The following DRC5 variants were observed in gnomAD, a reference collection of about 807,000 sequenced individuals.
DRC5 encodes the protein T-complex-associated testis-expressed protein 1.
the DRC5 span, chr6:44,280,082 C>G: frequency 8.9e-7 from 1 of 1,119,164 alleles, no homozygotes; most frequent in Admixed American, 1.9e-5. Flanking sequence ...CACAGTCCCC[C>G]TCCCCGCTCC....
the DRC5 span, chr6:44,279,748 G>GGTGTGTGTGTGTGTGTGT: frequency 1.1e-3 from 148 of 135,374 alleles, 1 homozygote; most frequent in African/African-American, 2.3e-3. Flanking sequence ...GTAGCCAGAG[G>GGTGTGTGTGTGTGTGTGT]GTGTGTGTGT....
At chr6:44,285,278 CA>C in the DRC5 span, among the ~76,000 whole-genome samples, 1 of 152,204 alleles carries the variant, frequency 6.6e-6, no homozygotes, top group African/African-American at 2.4e-5. Context: ...CATCCCAATT[CA>C]GGGGTACCAG....
the DRC5 span, among the ~76,000 whole-genome samples, chr6:44,289,000 A>AAAAAAAAAG: frequency 1.2e-3 from 161 of 136,524 alleles, 6 homozygotes; most frequent in Non-Finnish European, 1.1e-3. Flanking sequence ...TCTCAAAAAA[A>AAAAAAAAAG]AAAAAAAAAA....
chr6:44,278,893 A>ACACACACACC, the DRC5 span: 11 of 149,578 alleles, frequency 7.4e-5, no homozygotes, highest in African/African-American at 2.5e-4. Flanking sequence ...ACACACACAC[A>ACACACACACC]CCCTCACACC....
chr6:44,291,602 C>T, the DRC5 span, among the ~76,000 whole-genome samples: 1 of 152,216 alleles, frequency 6.6e-6, no homozygotes, highest in East Asian at 1.9e-4. Flanking sequence ...AGACTTCTCT[C>T]CCTCTGCCCA....
chr6:44,291,375 T>C, the DRC5 span, among the ~76,000 whole-genome samples: 4 of 152,228 alleles, frequency 2.6e-5, no homozygotes, highest in Non-Finnish European at 1.5e-5. Flanking sequence ...ATCTACTTTT[T>C]AAACTAACAA....
the DRC5 span, among the ~76,000 whole-genome samples, chr6:44,293,306 C>CA: frequency 0.016 from 1,442 of 88,546 alleles, 18 homozygotes; most frequent in African/African-American, 0.03. Flanking sequence ...ACTATCCTCT[C>CA]AAAAAAAAAA....
At chr6:44,293,257 C>T in the DRC5 span, among the ~76,000 whole-genome samples, 1 of 145,598 alleles carries the variant, frequency 6.9e-6, no homozygotes, top group Non-Finnish European at 1.5e-5. Flanking sequence ...AACTGTCCAG[C>T]ACTTAACAGT....
At chr6:44,287,302 G>A in the DRC5 span, 2 of 917,032 alleles carry the variant, frequency 2.2e-6, no homozygotes, top group Non-Finnish European at 2.6e-6. Flanking sequence ...GAAAAGGCAA[G>A]GAGAGGGCAG....
the DRC5 span, among the ~76,000 whole-genome samples, chr6:44,294,688 G>A: frequency 7.1e-6 from 1 of 140,718 alleles, no homozygotes; most frequent in East Asian, 2.3e-4. Flanking sequence ...AAAAATGAAG[G>A]TTGAACCCAG....
the DRC5 span, among the ~76,000 whole-genome samples, chr6:44,292,841 T>C: frequency 1.6e-4 from 25 of 152,004 alleles, no homozygotes; most frequent in South Asian, 8.3e-4. Context: ...GCAGAAACGA[T>C]AGATAGACAG....
chr6:44,295,599 GTCC>G, the DRC5 span, among the ~76,000 whole-genome samples: 1,136 of 152,342 alleles, frequency 7.5e-3, 6 homozygotes, highest in Non-Finnish European at 0.011. Context: ...GGCCAGGGTT[GTCC>G]TCATTTCTGA....
chr6:44,291,034 A>T, the DRC5 span, among the ~76,000 whole-genome samples: 1 of 152,230 alleles, frequency 6.6e-6, no homozygotes, highest in Non-Finnish European at 1.5e-5. Context: ...AGCAGGACCC[A>T]TCGGGGCATG....
chr6:44,296,247 C>T, the DRC5 span, among the ~76,000 whole-genome samples: 3 of 152,234 alleles, frequency 2.0e-5, no homozygotes, highest in Non-Finnish European at 4.4e-5. Flanking sequence ...GGGTCTCCCA[C>T]TTTCTCCAGC....
the DRC5 span, chr6:44,287,857 C>A: frequency 6.3e-7 from 1 of 1,598,156 alleles, no homozygotes; most frequent in Non-Finnish European, 8.5e-7. Context: ...GGTGCGTGGC[C>A]CCTGGATGGC....
chr6:44,282,396 C>A, the DRC5 span: 1 of 1,614,122 alleles, frequency 6.2e-7, no homozygotes, highest in Non-Finnish European at 8.5e-7. Flanking sequence ...GTTGAGCACA[C>A]GCAGGCGGCT....
At chr6:44,282,109 C>A in the DRC5 span, 3 of 1,609,116 alleles carry the variant, frequency 1.9e-6, no homozygotes, top group South Asian at 2.2e-5. Flanking sequence ...AGGTGGCTCA[C>A]CAGCCCGATG....
chr6:44,287,815 G>T, the DRC5 span: 1 of 1,613,664 alleles, frequency 6.2e-7, no homozygotes, highest in Non-Finnish European at 8.5e-7. Flanking sequence ...TGTCGTTACG[G>T]TATCCTGCAT....
At chr6:44,279,770 T>TGC in the DRC5 span, 1 of 176,352 alleles carries the variant, frequency 5.7e-6, no homozygotes, top group Non-Finnish European at 1.2e-5. Flanking sequence ...TGTGTGTGTG[T>TGC]GTGTGTGTGT....
Sources: allele counts gnomAD v4.1 joint callset (sites outside exome capture counted in the v4.1 genomes callset), GRCh38; gene constraint gnomAD v4.1.1; transcripts MANE v1.5; gene names NCBI Gene and HGNC (gene_info 2026-07-23, HGNC 2026-07-21).